Variants in NELL1 observed in about 807,000 individuals in gnomAD.
NELL1 encodes the protein neural EGFL like 1.
A neutral mutation model predicts 107.4 loss-of-function variants in NELL1; 76 were observed. The observed-to-expected ratio is 0.71, with a 90% confidence interval of 0.59 to 0.86. The LOEUF (loss-of-function observed/expected upper bound fraction) is 0.86, where lower values mean the gene tolerates loss of function less well. Ranked by LOEUF, NELL1 falls within the 40% of genes least tolerant of loss-of-function variation. NELL1 has a pLI of 0.00. For missense variants in NELL1, 1,024 were observed against 1,005.5 expected (o/e 1.02, Z -0.25); for synonymous variants, 353 against 341.2 (o/e 1.03, Z -0.38).
At chr11:20,855,948 C>A (rs1442786126) in intron 4 of NELL1, among the ~76,000 whole-genome samples, 1 of 152,178 alleles carries the variant, frequency 6.6e-6, no homozygotes, top group Non-Finnish European at 1.5e-5. Context: ...ATGCTGATGT[C>A]GTTGAAAAGA....
chr11:21,493,863 C>A (rs1469532423), intron 15 of NELL1, among the ~76,000 whole-genome samples: 1 of 151,924 alleles, frequency 6.6e-6, no homozygotes, highest in Non-Finnish European at 1.5e-5. Flanking sequence ...CACTCATACC[C>A]TATAAATATG....
chr11:21,510,937 G>A (rs1003204660), intron 15 of NELL1, among the ~76,000 whole-genome samples: 5 of 152,148 alleles, frequency 3.3e-5, no homozygotes, highest in African/African-American at 1.2e-4. Context: ...TTAAGATAAT[G>A]GAGACAGATT....
chr11:20,960,064 TTATA>T, intron 11 of NELL1, among the ~76,000 whole-genome samples: 1 of 152,168 alleles, frequency 6.6e-6, no homozygotes, highest in East Asian at 1.9e-4. Flanking sequence ...TCATTTTATT[TTATA>T]TATTCATATA....
intron 19 of NELL1, among the ~76,000 whole-genome samples, chr11:21,574,513 G>C (rs1280268326): frequency 6.6e-6 from 1 of 151,758 alleles, no homozygotes; most frequent in Non-Finnish European, 1.5e-5. Flanking sequence ...CCCCTTCATA[G>C]TCACCATGAG....
At chr11:21,384,232 A>G (rs1851681090) in intron 15 of NELL1, among the ~76,000 whole-genome samples, 1 of 151,852 alleles carries the variant, frequency 6.6e-6, no homozygotes, top group South Asian at 2.1e-4. Flanking sequence ...AACCTAAGTT[A>G]TATCTTGTCA....
intron 15 of NELL1, among the ~76,000 whole-genome samples, chr11:21,394,678 G>A (rs1477142180): frequency 6.6e-6 from 1 of 151,430 alleles, no homozygotes; most frequent in Non-Finnish European, 1.5e-5. Flanking sequence ...AGACACATTA[G>A]CTAATAAACA....
intron 13 of NELL1, among the ~76,000 whole-genome samples, chr11:21,223,639 C>A (rs1189843588): frequency 6.6e-6 from 1 of 151,902 alleles, no homozygotes; most frequent in Non-Finnish European, 1.5e-5. Context: ...ATACCCTTTG[C>A]TCCTTTCTTC....
intron 12 of NELL1, among the ~76,000 whole-genome samples, chr11:20,966,320 G>A (rs1282867248): frequency 2.0e-5 from 3 of 152,048 alleles, no homozygotes; most frequent in Admixed American, 6.6e-5. Flanking sequence ...TGAGGGCAGA[G>A]CCATCATGTC....
At chr11:21,000,084 A>G (rs1367698068) in intron 12 of NELL1, among the ~76,000 whole-genome samples, 3 of 152,164 alleles carry the variant, frequency 2.0e-5, no homozygotes, top group Admixed American at 2.0e-4. Flanking sequence ...GGTGTTGGCA[A>G]TGATTGACTA....
intron 5 of NELL1, among the ~76,000 whole-genome samples, chr11:20,890,308 A>G (rs966253918): frequency 1.3e-5 from 2 of 152,162 alleles, no homozygotes; most frequent in African/African-American, 4.8e-5. Flanking sequence ...AGTAACAGCA[A>G]CAGCATCATC....
intron 12 of NELL1, among the ~76,000 whole-genome samples, chr11:21,038,082 C>A (rs187646313): frequency 6.6e-6 from 1 of 152,186 alleles, no homozygotes; most frequent in East Asian, 1.9e-4. Context: ...CAACTGAATG[C>A]TGTTTATGTG....
At chr11:21,250,165 C>A (rs1858601300) in intron 14 of NELL1, among the ~76,000 whole-genome samples, 1 of 152,160 alleles carries the variant, frequency 6.6e-6, no homozygotes, top group African/African-American at 2.4e-5. Context: ...TCTTTGAGTA[C>A]TGGGAAAGTT....
intron 14 of NELL1, among the ~76,000 whole-genome samples, chr11:21,264,098 T>TGTGTGTGTGTG (rs1384879423): frequency 3.6e-3 from 151 of 41,884 alleles, no homozygotes; most frequent in Non-Finnish European, 5.3e-3. Context: ...GTGTGTGTGT[T>TGTGTGTGTGTG]TGTGTGTCTG....
intron 2 of NELL1, chr11:20,769,129 A>T (rs1337720181): frequency 6.6e-6 from 1 of 152,616 alleles, no homozygotes; most frequent in Non-Finnish European, 1.5e-5. Context: ...AGGAGAGACA[A>T]GTGGAGGCAA....
chr11:21,488,212 A>G (rs1190578452), intron 15 of NELL1, among the ~76,000 whole-genome samples: 1 of 152,194 alleles, frequency 6.6e-6, no homozygotes, highest in Non-Finnish European at 1.5e-5. Flanking sequence ...TTGAACAACT[A>G]CAGAGTATAC....
At chr11:21,515,771 G>A (rs1215010482) in intron 15 of NELL1, among the ~76,000 whole-genome samples, 1 of 152,154 alleles carries the variant, frequency 6.6e-6, no homozygotes, top group Admixed American at 6.5e-5. Context: ...AGGACTCCAT[G>A]ATCTGACTTT....
At chr11:20,803,399 T>C (rs980066984) in intron 3 of NELL1, among the ~76,000 whole-genome samples, 11 of 152,198 alleles carry the variant, frequency 7.2e-5, no homozygotes, top group African/African-American at 2.7e-4. Flanking sequence ...TCAGTTGTAA[T>C]GTCTCCTATT....
At chr11:21,406,468 G>A (rs1350412272) in intron 15 of NELL1, among the ~76,000 whole-genome samples, 1 of 151,934 alleles carries the variant, frequency 6.6e-6, no homozygotes, top group African/African-American at 2.4e-5. Flanking sequence ...ATACTACCTA[G>A]TGCTTTACCT....
chr11:21,161,839 G>A (rs1160835911), intron 13 of NELL1, among the ~76,000 whole-genome samples: 2 of 151,036 alleles, frequency 1.3e-5, no homozygotes, highest in African/African-American at 2.4e-5. Context: ...TCTTAAATTT[G>A]GATTAACCCC....
Sources: gnomAD v4.1 joint callset for allele counts (sites outside exome capture counted in the v4.1 genomes callset) on GRCh38, gnomAD v4.1.1 for gene constraint, MANE v1.5 for transcripts, NCBI Gene and HGNC (gene_info 2026-07-23, HGNC 2026-07-21) for gene names.